ITGB3BP: variants seen among roughly 807,000 people sequenced by gnomAD.
ITGB3BP encodes integrin subunit beta 3 binding protein.
A neutral mutation model predicts 29.1 loss-of-function variants in ITGB3BP; 27 were observed. That is an observed-to-expected ratio of 0.93 (90% confidence interval 0.68 to 1.28). The LOEUF (loss-of-function observed/expected upper bound fraction) is 1.28, where lower values mean the gene tolerates loss of function less well. ITGB3BP is among the 50% of genes most tolerant of loss of function. The pLI, the probability that ITGB3BP is intolerant of heterozygous loss-of-function variation, is 0.00. For missense variants in ITGB3BP, 192 were observed against 200.2 expected (o/e 0.96, Z 0.25); for synonymous variants, 61 against 61.4 (o/e 0.99, Z 0.03).
rs1313899914 is a variant in ITGB3BP at position 63,446,809 on chromosome 1, A to T, written c.532T>A (p.Ter178ArgextTer21). ...AATTAGAAAGGTGAAACAGTACCTCAGTTTAAAATGGCTTTAAGGAATTCA... is the reference window on the plus strand; with the variant it reads ...AATTAGAAAGGTGAAACAGTACCTCTGTTTAAAATGGCTTTAAGGAATTCA... ...SYEFLKAILN[*>R] is the part of the protein sequence containing the mutation. Residue 178 changes from the stop codon to arginine (R), a stop_lost, in exon 8 of 9, where the codon TGA (stop) becomes AGA (arginine). Transcript: ENST00000271002. 1 of 1,601,398 alleles carries T rather than the reference A, an allele frequency of 6.2e-7. No individual in the cohort carries two copies. Among genetic ancestry groups the T allele is most frequent in the Non-Finnish European group, 8.6e-7 (1 of 1,168,724 alleles).
chr1:63,441,910 C>A (rs1644735253), intron 8 of ITGB3BP, among the ~76,000 whole-genome samples: 1 of 152,122 alleles, frequency 6.6e-6, no homozygotes, highest in Non-Finnish European at 1.5e-5. Flanking sequence ...GCATACATTA[C>A]CACAGGGCAT....
chr1:63,517,587 AAT>A (rs1646361515), intron 1 of ITGB3BP, among the ~76,000 whole-genome samples: 1 of 152,150 alleles, frequency 6.6e-6, no homozygotes, highest in Non-Finnish European at 1.5e-5. Context: ...GAAATATAGA[AAT>A]ATATTGATCT....
chr1:63,452,037 C>T (rs1644867255), intron 7 of ITGB3BP: 1 of 152,020 alleles, frequency 6.6e-6, no homozygotes, highest in South Asian at 2.1e-4. Flanking sequence ...TTGGGAAAAT[C>T]TGGTAATGGG....
rs375284422 is a variant in ITGB3BP at position 63,499,141 on chromosome 1, G to A, written c.49-8923C>T. 2.8e-4 allele frequency among the ~76,000 whole-genome samples: 41 copies of A among 145,766 alleles called. No homozygotes were observed. In the South Asian group the frequency reaches 8.7e-3, roughly 31 times the overall value. ...AGCCCAGGACCAGGTAGCTTCACAA[G>A]TGAATTCCACTAGCGTTTTTTTTTT... On this transcript the variant is annotated intron_variant, in intron 2 of 8. Transcript: ENST00000271002.
At chr1:63,511,265 C>A (rs528994168) in intron 1 of ITGB3BP, among the ~76,000 whole-genome samples, 2 of 152,012 alleles carry the variant, frequency 1.3e-5, no homozygotes, top group South Asian at 4.1e-4. Flanking sequence ...TATTAAAAAA[C>A]CAAACAAAAC....
upstream of ITGB3BP, chr1:63,523,287 C>T (rs980134601): frequency 3.4e-5 from 32 of 945,558 alleles, no homozygotes; most frequent in African/African-American, 4.7e-4. Flanking sequence ...ATCCTCCCCG[C>T]GACGAAGGAT....
At chr1:63,524,280 A>G (rs551725008), upstream of ITGB3BP, among the ~76,000 whole-genome samples, 1 of 152,286 alleles carries the variant, frequency 6.6e-6, no homozygotes, top group African/African-American at 2.4e-5. Context: ...AGATGCATGC[A>G]CACATATGTG....
chr1:63,500,954 T>C (rs907700724), intron 2 of ITGB3BP, among the ~76,000 whole-genome samples: 3 of 152,182 alleles, frequency 2.0e-5, no homozygotes, highest in African/African-American at 4.8e-5. Context: ...CATAAACACA[T>C]ATATATAGAT....
chr1:63,452,818 C>CT (rs1481648995), intron 7 of ITGB3BP, among the ~76,000 whole-genome samples: 1 of 152,142 alleles, frequency 6.6e-6, no homozygotes, highest in African/African-American at 2.4e-5. Flanking sequence ...CATGACCCAG[C>CT]TGGCCTTTAG....
intron 1 of ITGB3BP, among the ~76,000 whole-genome samples, chr1:63,509,892 G>A (rs6588046): frequency 0.95 from 144,919 of 152,300 alleles, 69,364 homozygotes; most frequent in East Asian, 1. Context: ...TATTTATAAC[G>A]CTTCAAAAAT....
intron 8 of ITGB3BP, among the ~76,000 whole-genome samples, chr1:63,445,288 A>AAAAC (rs3063360): frequency 0.6 from 91,413 of 151,340 alleles, 29,341 homozygotes; most frequent in African/African-American, 0.82. Flanking sequence ...TCCATTTCAA[A>AAAAC]AAACAAACAA....
chr1:63,522,247 A>G (rs746335741), intron 1 of ITGB3BP, among the ~76,000 whole-genome samples: 12 of 152,240 alleles, frequency 7.9e-5, no homozygotes, highest in Non-Finnish European at 1.3e-4. Flanking sequence ...AATATAGGTT[A>G]TCATTTCTGT....
chr1:63,447,171 C>T, intron 7 of ITGB3BP: 1 of 304,498 alleles, frequency 3.3e-6, no homozygotes, highest in Non-Finnish European at 6.2e-6. Context: ...GATTCTATAT[C>T]CCTGAGGGCA....
intron 4 of ITGB3BP, among the ~76,000 whole-genome samples, chr1:63,461,739 A>G (rs1328917918): frequency 6.6e-6 from 1 of 152,208 alleles, no homozygotes; most frequent in Admixed American, 6.5e-5. Flanking sequence ...TTCTCCATTA[A>G]ATAAACTTGG....
chr1:63,485,308 T>C (rs1247266584), intron 3 of ITGB3BP, among the ~76,000 whole-genome samples: 1 of 152,108 alleles, frequency 6.6e-6, no homozygotes, highest in Non-Finnish European at 1.5e-5. Context: ...AGTCAACTGA[T>C]AGATATCTTG....
chr1:63,486,680 CA>C (rs1645537175), intron 3 of ITGB3BP, among the ~76,000 whole-genome samples: 1 of 151,936 alleles, frequency 6.6e-6, no homozygotes, highest in African/African-American at 2.4e-5. Flanking sequence ...CTTGTAATGT[CA>C]TGATTTTTCT....
At chr1:63,455,057 C>T (rs1644913388) in intron 4 of ITGB3BP, 89 bp from the exon 5 acceptor site, 1 of 647,378 alleles carries the variant, frequency 1.5e-6, no homozygotes, top group East Asian at 2.7e-5. Flanking sequence ...TTTTAAAGGA[C>T]CTTAGACTTA....
At chr1:63,479,819 C>T (rs1194314290) in intron 3 of ITGB3BP, among the ~76,000 whole-genome samples, 2 of 152,100 alleles carry the variant, frequency 1.3e-5, no homozygotes, top group African/African-American at 2.4e-5. Context: ...AGTATATATA[C>T]CATATTTTCT....
At chr1:63,528,596 A>G (rs572133875) in intron 2 of ITGB3BP, among the ~76,000 whole-genome samples, 1 of 152,308 alleles carries the variant, frequency 6.6e-6, no homozygotes, top group African/African-American at 2.4e-5. Context: ...AACAAAGGAT[A>G]AATGCTTGAG....
Sources: allele counts gnomAD v4.1 joint callset (sites outside exome capture counted in the v4.1 genomes callset), GRCh38; gene constraint gnomAD v4.1.1; transcripts MANE v1.5; gene names NCBI Gene and HGNC (gene_info 2026-07-23, HGNC 2026-07-21).